USH2A: variants seen among roughly 807,000 people sequenced by gnomAD.
USH2A encodes usherin.
USH2A carries 443 observed loss-of-function variants against 538.9 expected under a neutral mutation model. The observed-to-expected ratio is 0.82, with a 90% CI of 0.76 to 0.89. USH2A has a LOEUF of 0.89. USH2A is among the 40% of genes least tolerant of loss of function. The pLI, the probability that USH2A is intolerant of heterozygous loss-of-function variation, is 0.00. For missense variants in USH2A, 6,633 were observed against 6,324.8 expected (o/e 1.05, Z -1.65); for synonymous variants, 2,413 against 2,273.5 (o/e 1.06, Z -1.75).
At chr1:216,387,425 T>G (rs1558066073) in intron 3 of USH2A, among the ~76,000 whole-genome samples, 1 of 152,242 alleles carries the variant, frequency 6.6e-6, no homozygotes, top group Non-Finnish European at 1.5e-5. Flanking sequence ...AAACAACTCT[T>G]CAATATAGAT....
chr1:216,350,941 C>A (rs1233063612), intron 4 of USH2A, among the ~76,000 whole-genome samples: 2 of 152,184 alleles, frequency 1.3e-5, no homozygotes, highest in Non-Finnish European at 2.9e-5. Context: ...CAGGCCACTG[C>A]CTGGACACCC....
chr1:215,914,201 G>C (rs1665892249), intron 38 of USH2A, among the ~76,000 whole-genome samples: 1 of 151,138 alleles, frequency 6.6e-6, no homozygotes, highest in South Asian at 2.1e-4. Flanking sequence ...AGCCTCCTGA[G>C]TAGCAACAGA....
chr1:215,875,888 A>C (rs1161170264), intron 43 of USH2A, among the ~76,000 whole-genome samples: 1 of 143,986 alleles, frequency 6.9e-6, no homozygotes, highest in African/African-American at 2.5e-5. Context: ...ATTATTAATT[A>C]TATATAATAA....
chr1:216,217,318 A>G, intron 15 of USH2A, 69 bp downstream of exon 15: 1 of 1,592,564 alleles, frequency 6.3e-7, no homozygotes, highest in Admixed American at 1.7e-5. Context: ...ATGGAGAAAG[A>G]AAACAATGAG....
intron 51 of USH2A, among the ~76,000 whole-genome samples, chr1:215,789,776 C>G (rs1219160514): frequency 6.6e-6 from 1 of 152,112 alleles, no homozygotes; most frequent in Admixed American, 6.6e-5. Context: ...CCCCAGACGA[C>G]CTGTGCTGGC....
At chr1:215,658,410 G>A (rs981830417) in intron 64 of USH2A, among the ~76,000 whole-genome samples, 2 of 151,858 alleles carry the variant, frequency 1.3e-5, no homozygotes, top group African/African-American at 2.4e-5. Context: ...TTTTCCTCTC[G>A]ACAATCCTAT....
intron 44 of USH2A, among the ~76,000 whole-genome samples, chr1:215,863,515 C>T (rs923249768): frequency 1.3e-5 from 2 of 152,170 alleles, no homozygotes; most frequent in Admixed American, 6.5e-5. Context: ...GAGACAAATG[C>T]TTTTTCTGTG....
chr1:215,837,371 T>C (rs917343315), intron 47 of USH2A, among the ~76,000 whole-genome samples: 1 of 152,158 alleles, frequency 6.6e-6, no homozygotes, highest in Admixed American at 6.6e-5. Context: ...CTCAACTTGA[T>C]ACAAACGGAT....
chr1:215,788,667 G>A (rs1661875903), intron 51 of USH2A, among the ~76,000 whole-genome samples: 1 of 152,042 alleles, frequency 6.6e-6, no homozygotes, highest in Non-Finnish European at 1.5e-5. Context: ...AGCTTTCATA[G>A]GAAAAGAAAC....
chr1:216,370,581 G>GA (rs1227254626), intron 3 of USH2A, among the ~76,000 whole-genome samples: 1 of 144,022 alleles, frequency 6.9e-6, no homozygotes. Context: ...TCGGGAGGCT[G>GA]AAGCAGAGAG....
chr1:215,685,548 G>C (rs971470422), intron 61 of USH2A, among the ~76,000 whole-genome samples: 11 of 151,912 alleles, frequency 7.2e-5, no homozygotes, highest in Admixed American at 7.2e-4. Flanking sequence ...AGTAGAGACG[G>C]GGTTTCACCA....
At chr1:215,802,917 G>GA (rs1662380853) in intron 49 of USH2A, among the ~76,000 whole-genome samples, 1 of 152,072 alleles carries the variant, frequency 6.6e-6, no homozygotes, top group Admixed American at 6.6e-5. Flanking sequence ...CATACAATGA[G>GA]ACATTATTCG....
chr1:215,653,524 A>G (rs979637592), intron 64 of USH2A, among the ~76,000 whole-genome samples: 1 of 152,344 alleles, frequency 6.6e-6, no homozygotes, highest in Non-Finnish European at 1.5e-5. Context: ...TGAAAACAGA[A>G]TGAAGAGAAA....
At chr1:215,661,373 T>C (rs914001828) in intron 64 of USH2A, among the ~76,000 whole-genome samples, 1 of 152,182 alleles carries the variant, frequency 6.6e-6, no homozygotes, top group African/African-American at 2.4e-5. Context: ...GCACTGCATG[T>C]TGACAAGGCT....
chr1:216,379,256 C>G (rs2038889749), intron 3 of USH2A, among the ~76,000 whole-genome samples: 1 of 152,172 alleles, frequency 6.6e-6, no homozygotes, highest in African/African-American at 2.4e-5. Context: ...TCAGTACTCT[C>G]CTCTGCTACA....
At chr1:215,705,337 G>A (rs1014178287) in intron 61 of USH2A, among the ~76,000 whole-genome samples, 3 of 152,036 alleles carry the variant, frequency 2.0e-5, no homozygotes, top group Non-Finnish European at 4.4e-5. Flanking sequence ...TTATTTTAAT[G>A]CCAAATCATA....
At chr1:215,992,050 A>G (rs1281705014) in intron 35 of USH2A, among the ~76,000 whole-genome samples, 1 of 152,210 alleles carries the variant, frequency 6.6e-6, no homozygotes, top group Non-Finnish European at 1.5e-5. Flanking sequence ...CCTCAAATAT[A>G]TCTAGTGCAT....
intron 63 of USH2A, among the ~76,000 whole-genome samples, chr1:215,672,338 T>G (rs1657843394): frequency 6.6e-6 from 1 of 152,148 alleles, no homozygotes; most frequent in Non-Finnish European, 1.5e-5. Context: ...TTTCTGTTCT[T>G]GTACATGTTC....
At chr1:216,020,636 T>C (rs1668824432) in intron 32 of USH2A, among the ~76,000 whole-genome samples, 2 of 152,160 alleles carry the variant, frequency 1.3e-5, no homozygotes, top group Middle Eastern at 3.2e-3. Flanking sequence ...AAATAAGGGC[T>C]GTTCCCCAGA....
Sources: allele counts gnomAD v4.1 joint callset (sites outside exome capture counted in the v4.1 genomes callset), GRCh38; gene constraint gnomAD v4.1.1; transcripts MANE v1.5; gene names NCBI Gene and HGNC (gene_info 2026-07-23, HGNC 2026-07-21).